ADAM22: variants seen among roughly 807,000 people sequenced by gnomAD.
The protein encoded by ADAM22 is disintegrin and metalloproteinase domain-containing protein 22.
Under a neutral mutation model 144.6 loss-of-function variants are expected in ADAM22, and 65 were observed. The observed-to-expected ratio is 0.45, with a 90% CI of 0.37 to 0.55. The LOEUF (loss-of-function observed/expected upper bound fraction) is 0.55. ADAM22 is among the 20% of genes least tolerant of loss of function. ADAM22 has a pLI of 0.00. For synonymous variants in ADAM22, 391 were observed against 412.6 expected, an observed-to-expected ratio of 0.95 and a Z score of 0.63; for missense variants, 974 against 1,184.9, an observed-to-expected ratio of 0.82 and a Z score of 2.61.
Position 88,151,251 on chromosome 7 carries a change from T to A in ADAM22, c.1618-6T>A. The A allele has an allele frequency of 6.2e-7, 1 of 1,614,090 alleles. No homozygotes were observed. The highest frequency in any genetic ancestry group is 8.5e-7 in the Non-Finnish European group (1 of 1,179,986). On this transcript the variant is annotated splice_polypyrimidine_tract_variant and splice_region_variant and intron_variant, in intron 19 of 31. Coordinates refer to ENST00000413139, the MANE Select transcript of ADAM22 (RefSeq NM_001324418.2). The stretch of plus-strand genomic sequence containing the variant: ...TCGCTAATGGGTATTTGCTTTTCCG[T>A]TTTAGGGAATTTGCTTTGGAGGAAG...
chr7:87,936,542 C>T (rs1841291917), intron 2 of ADAM22, among the ~76,000 whole-genome samples: 1 of 152,120 alleles, frequency 6.6e-6, no homozygotes, highest in Admixed American at 6.5e-5. Context: ...TAATGAACCC[C>T]CAGCTCCAAC....
intron 14 of ADAM22, among the ~76,000 whole-genome samples, chr7:88,140,446 C>G (rs540112372): frequency 1.3e-5 from 2 of 152,170 alleles, no homozygotes; most frequent in African/African-American, 4.8e-5. Context: ...TGGTCTGATG[C>G]AGCCACAATG....
intron 31 of ADAM22, among the ~76,000 whole-genome samples, chr7:88,193,607 T>C (rs1427018582): frequency 2.0e-5 from 3 of 152,224 alleles, no homozygotes; most frequent in South Asian, 2.1e-4. Context: ...AAATTCGAGA[T>C]ACAGTGGAGC....
chr7:88,010,368 T>C (rs1204879182), intron 3 of ADAM22, among the ~76,000 whole-genome samples: 1 of 152,234 alleles, frequency 6.6e-6, no homozygotes, highest in Non-Finnish European at 1.5e-5. Context: ...AGAAAGAATT[T>C]ACTGGCTCGG....
At chr7:88,080,559 C>A (rs1243442072) in intron 4 of ADAM22, among the ~76,000 whole-genome samples, 2 of 152,002 alleles carry the variant, frequency 1.3e-5, no homozygotes, top group Non-Finnish European at 2.9e-5. Flanking sequence ...AATCCAGGAG[C>A]TGGTTTTTTT....
At chr7:88,158,756 G>A (rs1308010010) in intron 22 of ADAM22, among the ~76,000 whole-genome samples, 1 of 152,058 alleles carries the variant, frequency 6.6e-6, no homozygotes, top group Non-Finnish European at 1.5e-5. Context: ...CACAGCTAAG[G>A]CAGTGTTAAG....
At chr7:88,013,914 C>T (rs1046343092) in intron 3 of ADAM22, among the ~76,000 whole-genome samples, 2 of 152,184 alleles carry the variant, frequency 1.3e-5, no homozygotes, top group Admixed American at 6.5e-5. Context: ...CAAAAATATT[C>T]ATGGAAAGGA....
At chr7:87,946,563 G>A (rs1027718749) in intron 2 of ADAM22, among the ~76,000 whole-genome samples, 6 of 152,066 alleles carry the variant, frequency 3.9e-5, no homozygotes, top group South Asian at 2.1e-4. Context: ...TCATTCTTCC[G>A]CATATAACTA....
At chr7:88,155,577 T>C (rs1030886851) in intron 21 of ADAM22, among the ~76,000 whole-genome samples, 2 of 150,632 alleles carry the variant, frequency 1.3e-5, no homozygotes, top group East Asian at 3.9e-4. Flanking sequence ...ATATCCAGTA[T>C]TGTGTTATGG....
At chr7:87,965,498 G>A (rs1848858519) in intron 2 of ADAM22, among the ~76,000 whole-genome samples, 1 of 152,126 alleles carries the variant, frequency 6.6e-6, no homozygotes, top group East Asian at 1.9e-4. Context: ...TTAGTCCTAG[G>A]AGAAAAGGCC....
intron 3 of ADAM22, among the ~76,000 whole-genome samples, chr7:88,003,771 G>A (rs974896993): frequency 6.7e-6 from 1 of 150,338 alleles, no homozygotes; most frequent in African/African-American, 2.5e-5. Flanking sequence ...GATTTTAAAT[G>A]TTCCTAAAAA....
chr7:87,949,632 C>G (rs867465977), intron 2 of ADAM22, among the ~76,000 whole-genome samples: 1 of 151,926 alleles, frequency 6.6e-6, no homozygotes, highest in African/African-American at 2.4e-5. Context: ...AAGGATTTCC[C>G]TTACTATTTA....
chr7:88,089,536 C>T (rs969978639), intron 4 of ADAM22, among the ~76,000 whole-genome samples: 1 of 152,114 alleles, frequency 6.6e-6, no homozygotes, highest in Non-Finnish European at 1.5e-5. Flanking sequence ...AACTCAGCAA[C>T]AGCATTTCTC....
At chr7:88,101,451 A>G (rs1318921172) in intron 4 of ADAM22, among the ~76,000 whole-genome samples, 4 of 152,128 alleles carry the variant, frequency 2.6e-5, no homozygotes. Flanking sequence ...TGACCAAACC[A>G]TTCCTATCTG....
rs138248451 is a variant in ADAM22, at chr7:87,971,584, C to T, written c.247-6752C>T. ...TGTAGTAATTTGAAAGATGGCATTT[C>T]TGCAAAATTACGTTTTTCCAGTATC... is the stretch of plus-strand genomic sequence containing the variant. On this transcript the variant is annotated intron_variant, in intron 2 of 31. Coordinates refer to ENST00000413139, the MANE Select transcript of ADAM22 (RefSeq NM_001324418.2). Among the ~76,000 whole-genome samples the T allele has an allele frequency of 2.5e-3, 379 of 152,290 alleles. 1 individual carries two copies. The highest frequency in any genetic ancestry group is 8.7e-3 in the African/African-American group (362 of 41,576).
intron 3 of ADAM22, among the ~76,000 whole-genome samples, chr7:88,024,260 TC>T: frequency 2.0e-5 from 3 of 152,276 alleles, no homozygotes; most frequent in Admixed American, 2.0e-4. Flanking sequence ...TTGAGGAACC[TC>T]CAAACTGTTC....
intron 3 of ADAM22, among the ~76,000 whole-genome samples, chr7:88,039,464 A>AAAATATATATATATATATATATATAT: frequency 1.3e-5 from 1 of 76,400 alleles, no homozygotes; most frequent in Non-Finnish European, 2.7e-5. Context: ...AAAAAAAAAA[A>AAAATATATATATATATATATATATAT]ATATATATAT....
chr7:88,187,918 C>G (rs1443606158), intron 30 of ADAM22, among the ~76,000 whole-genome samples: 1 of 151,674 alleles, frequency 6.6e-6, no homozygotes, highest in Non-Finnish European at 1.5e-5. Flanking sequence ...GCTTTTATAC[C>G]CCATCTTTCC....
At chr7:88,146,529 AT>A (rs1228484443) in intron 17 of ADAM22, among the ~76,000 whole-genome samples, 1 of 152,196 alleles carries the variant, frequency 6.6e-6, no homozygotes, top group Non-Finnish European at 1.5e-5. Flanking sequence ...GTATCTCTGC[AT>A]TCCACCCATT....
Sources: gnomAD v4.1 joint callset for allele counts (sites outside exome capture counted in the v4.1 genomes callset) on GRCh38, gnomAD v4.1.1 for gene constraint, MANE v1.5 for transcripts, NCBI Gene and HGNC (gene_info 2026-07-23, HGNC 2026-07-21) for gene names.